TAFA1: variants seen among roughly 807,000 people sequenced by gnomAD.
TAFA1 encodes TAFA chemokine like family member 1.
TAFA1 carries 4 observed loss-of-function variants against 18.5 expected under a neutral mutation model. That is an observed-to-expected ratio of 0.22 (90% CI 0.11 to 0.49). The LOEUF (loss-of-function observed/expected upper bound fraction) is 0.49. TAFA1 is among the 20% of genes least tolerant of loss of function. The pLI is 0.98. For synonymous variants in TAFA1, 56 were observed against 55.2 expected (o/e 1.01, Z -0.06); for missense variants, 147 against 169.0 (o/e 0.87, Z 0.72).
At chr3:68,113,883 GTGTAGTTTTTTTTGTTTTTTTTTTTTTTT>G (rs2065291741) in intron 2 of TAFA1, among the ~76,000 whole-genome samples, 1 of 137,340 alleles carries the variant, frequency 7.3e-6, no homozygotes, top group African/African-American at 2.7e-5. Context: ...ACAGTTTGGG[GTGTAGTTTTTTTTGTTTTTTTTTTTTTTT>G]TTTTTTTTAT....
intron 2 of TAFA1, among the ~76,000 whole-genome samples, chr3:68,009,164 G>A (rs1276940700): frequency 2.6e-5 from 4 of 152,074 alleles, no homozygotes; most frequent in Non-Finnish European, 5.9e-5. Flanking sequence ...TGTGGTACAT[G>A]GCTAGAATAT....
intron 2 of TAFA1, among the ~76,000 whole-genome samples, chr3:68,384,269 G>T (rs955849426): frequency 4.0e-5 from 6 of 151,768 alleles, no homozygotes; most frequent in Non-Finnish European, 8.8e-5. Context: ...TGTGGTGTTG[G>T]GTTGTTAACT....
chr3:68,290,286 A>C (rs1420000073), intron 2 of TAFA1, among the ~76,000 whole-genome samples: 3 of 152,160 alleles, frequency 2.0e-5, no homozygotes, highest in Non-Finnish European at 4.4e-5. Flanking sequence ...TTAATGTTCT[A>C]TGGAACAATC....
At chr3:68,303,735 CACCGTGCCCGGCCTGA>C (rs1418688930) in intron 2 of TAFA1, among the ~76,000 whole-genome samples, 1 of 152,078 alleles carries the variant, frequency 6.6e-6, no homozygotes, top group Non-Finnish European at 1.5e-5. Context: ...AGGCGTGAAC[CACCGTGCCCGGCCTGA>C]AAACTTTTTA....
intron 2 of TAFA1, among the ~76,000 whole-genome samples, chr3:68,114,160 C>A (rs1193912609): frequency 6.6e-6 from 1 of 151,914 alleles, no homozygotes; most frequent in East Asian, 1.9e-4. Flanking sequence ...TCTCTTGGAT[C>A]CCAGATAGCC....
chr3:68,320,250 C>T (rs796553862), intron 2 of TAFA1, among the ~76,000 whole-genome samples: 33 of 152,284 alleles, frequency 2.2e-4, no homozygotes, highest in African/African-American at 7.7e-4. Context: ...TGGTTTGTGG[C>T]CACAACCTGG....
At chr3:68,406,115 A>T (rs1257390015) in intron 2 of TAFA1, among the ~76,000 whole-genome samples, 1 of 152,176 alleles carries the variant, frequency 6.6e-6, no homozygotes, top group Non-Finnish European at 1.5e-5. Context: ...TAGTAACCAA[A>T]GTGATGTTAA....
At chr3:68,129,701 C>G (rs2065514188) in intron 2 of TAFA1, among the ~76,000 whole-genome samples, 1 of 152,026 alleles carries the variant, frequency 6.6e-6, no homozygotes, top group African/African-American at 2.4e-5. Flanking sequence ...TTTTAAAATT[C>G]AAAAGACCTT....
chr3:68,518,374 C>T (rs767575508), intron 3 of TAFA1, among the ~76,000 whole-genome samples: 6 of 152,136 alleles, frequency 3.9e-5, no homozygotes, highest in Non-Finnish European at 8.8e-5. Flanking sequence ...TTTATTTTGT[C>T]ATTGCCCTGA....
At chr3:68,027,537 G>A (rs1342864827) in intron 2 of TAFA1, among the ~76,000 whole-genome samples, 3 of 152,080 alleles carry the variant, frequency 2.0e-5, no homozygotes, top group Admixed American at 6.6e-5. Context: ...ACAACTCAAG[G>A]TCACAATAGG....
chr3:68,147,956 C>T (rs1334768843), intron 2 of TAFA1, among the ~76,000 whole-genome samples: 1 of 152,166 alleles, frequency 6.6e-6, no homozygotes, highest in Non-Finnish European at 1.5e-5. Context: ...GCCTCAATTT[C>T]TGAGAAATAA....
At chr3:68,407,385 G>T (rs756605001) in intron 2 of TAFA1, among the ~76,000 whole-genome samples, 3 of 152,098 alleles carry the variant, frequency 2.0e-5, no homozygotes, top group Non-Finnish European at 4.4e-5. Flanking sequence ...CTGAATCACA[G>T]CATGAATGCC....
chr3:68,412,294 C>T (rs1354994357), intron 2 of TAFA1, among the ~76,000 whole-genome samples: 1 of 151,678 alleles, frequency 6.6e-6, no homozygotes, highest in Non-Finnish European at 1.5e-5. Context: ...GTTCTGGTCT[C>T]AATGCTGTTG....
upstream of TAFA1, among the ~76,000 whole-genome samples, chr3:68,002,234 A>G (rs1704291179): frequency 6.6e-6 from 1 of 152,222 alleles, no homozygotes; most frequent in African/African-American, 2.4e-5. Flanking sequence ...ATTTGGAAGA[A>G]AAAAATAGAA....
chr3:68,355,561 G>A lies in TAFA1; in HGVS notation c.119-61719G>A, dbSNP rs116751025. 4.7e-3 allele frequency among the ~76,000 whole-genome samples: 714 copies of A among 152,022 alleles called. 7 individuals carry two copies. Among genetic ancestry groups the A allele is most frequent in the African/African-American group, 0.015 (635 of 41,496 alleles). On this transcript the variant is annotated intron_variant, in intron 2 of 4. Transcript: ENST00000478136. ...AATGATTATTACTACCACCATTATA[G>A]CATCACCCCAGTGTTTTAAAACCCC...
chr3:68,460,249 T>C (rs1378007818), intron 3 of TAFA1, among the ~76,000 whole-genome samples: 1 of 152,150 alleles, frequency 6.6e-6, no homozygotes, highest in Non-Finnish European at 1.5e-5. Context: ...ATTCCAGATT[T>C]GGAAGGAAAC....
intron 3 of TAFA1, among the ~76,000 whole-genome samples, chr3:68,502,639 C>T (rs2106710211): frequency 6.6e-6 from 1 of 152,016 alleles, no homozygotes; most frequent in African/African-American, 2.4e-5. Context: ...TTTCTGCTTG[C>T]CTATTCCCCC....
intron 3 of TAFA1, among the ~76,000 whole-genome samples, chr3:68,517,821 T>C (rs2072947049): frequency 6.6e-6 from 1 of 152,066 alleles, no homozygotes; most frequent in South Asian, 2.1e-4. Flanking sequence ...GTCACAGCAA[T>C]TGCATTTGTA....
intron 3 of TAFA1, among the ~76,000 whole-genome samples, chr3:68,493,379 T>C (rs1378628744): frequency 1.3e-5 from 2 of 152,236 alleles, no homozygotes; most frequent in African/African-American, 4.8e-5. Context: ...TTTGTTTTTC[T>C]ATTCATTGTT....
Sources: gnomAD v4.1 joint callset for allele counts (sites outside exome capture counted in the v4.1 genomes callset) on GRCh38, gnomAD v4.1.1 for gene constraint, MANE v1.5 for transcripts, NCBI Gene and HGNC (gene_info 2026-07-23, HGNC 2026-07-21) for gene names.